IGSF21: variants seen among roughly 807,000 people sequenced by gnomAD.
The protein encoded by IGSF21 is immunoglobulin superfamily member 21.
Under a neutral mutation model 46.8 loss-of-function variants are expected in IGSF21, and 28 were observed. The observed-to-expected ratio is 0.60, with a 90% CI of 0.44 to 0.82. The LOEUF is 0.82. IGSF21 is among the 40% of genes least tolerant of loss of function. IGSF21 has a pLI of 0.00. For missense variants in IGSF21, 624 were observed against 665.5 expected, an observed-to-expected ratio of 0.94 and a Z score of 0.69; for synonymous variants, 284 against 273.6, an observed-to-expected ratio of 1.04 and a Z score of -0.38.
intron 2 of IGSF21, among the ~76,000 whole-genome samples, chr1:18,276,875 A>C (rs2085107527): frequency 2.0e-5 from 3 of 152,212 alleles, no homozygotes; most frequent in Admixed American, 2.0e-4. Flanking sequence ...TAACAGGTGC[A>C]TGGGACCAGT....
intron 4 of IGSF21, among the ~76,000 whole-genome samples, chr1:18,338,599 T>C (rs2124609568): frequency 6.6e-6 from 1 of 152,192 alleles, no homozygotes; most frequent in East Asian, 1.9e-4. Flanking sequence ...CAGTCTACCA[T>C]CCACACGTCC....
chr1:18,166,826 A>C (rs547858915), intron 1 of IGSF21: 1 of 152,748 alleles, frequency 6.5e-6, no homozygotes, highest in Non-Finnish European at 1.5e-5. Context: ...TAAGTGGAAG[A>C]GGATTTTCAC....
chr1:18,316,342 C>T (rs983292097), intron 3 of IGSF21, among the ~76,000 whole-genome samples: 1 of 152,204 alleles, frequency 6.6e-6, no homozygotes, highest in Non-Finnish European at 1.5e-5. Context: ...GAAGTCTCCC[C>T]TGCTGTTAAG....
chr1:18,200,834 G>A (rs939064059), intron 1 of IGSF21, among the ~76,000 whole-genome samples: 1 of 152,118 alleles, frequency 6.6e-6, no homozygotes, highest in South Asian at 2.1e-4. Context: ...TCACTGAGCT[G>A]ACCCTGCTTT....
intron 2 of IGSF21, among the ~76,000 whole-genome samples, chr1:18,249,347 G>T (rs555124552): frequency 6.6e-6 from 1 of 152,282 alleles, no homozygotes; most frequent in East Asian, 1.9e-4. Flanking sequence ...CGAGTTAGGG[G>T]ATCAGCAGTT....
chr1:18,359,377 A>AGAAAGAAG (rs2086064064), intron 4 of IGSF21, among the ~76,000 whole-genome samples: 1 of 107,366 alleles, frequency 9.3e-6, no homozygotes, highest in Non-Finnish European at 1.9e-5. Flanking sequence ...AAAGAAAGAA[A>AGAAAGAAG]GAAAGAAAGG....
chr1:18,167,541 G>T (rs2086691378), intron 1 of IGSF21, among the ~76,000 whole-genome samples: 1 of 152,058 alleles, frequency 6.6e-6, no homozygotes, highest in African/African-American at 2.4e-5. Flanking sequence ...CTGTGGAAAG[G>T]CTTAGTGCCC....
chr1:18,194,060 A>G (rs1269800914), intron 1 of IGSF21, among the ~76,000 whole-genome samples: 2 of 152,204 alleles, frequency 1.3e-5, no homozygotes, highest in Non-Finnish European at 2.9e-5. Context: ...CTAAGTCCCC[A>G]GAGAGTGAAA....
intron 2 of IGSF21, among the ~76,000 whole-genome samples, chr1:18,242,527 G>A (rs1350968340): frequency 6.6e-6 from 1 of 152,218 alleles, no homozygotes; most frequent in Non-Finnish European, 1.5e-5. Context: ...TTGTCAAGTA[G>A]TGGTTCTTGG....
At chr1:18,284,846 G>T (rs2085197269) in intron 2 of IGSF21, among the ~76,000 whole-genome samples, 3 of 151,900 alleles carry the variant, frequency 2.0e-5, no homozygotes, top group Admixed American at 2.0e-4. Flanking sequence ...AAGATCCCAG[G>T]TGCCATCCAC....
chr1:18,324,989 G>A (rs1206357592), intron 3 of IGSF21, among the ~76,000 whole-genome samples: 2 of 152,256 alleles, frequency 1.3e-5, no homozygotes, highest in Non-Finnish European at 2.9e-5. Flanking sequence ...CAGGGAGGAT[G>A]AGACAATTTG....
chr1:18,247,551 G>A (rs1423040475), intron 2 of IGSF21, among the ~76,000 whole-genome samples: 1 of 152,150 alleles, frequency 6.6e-6, no homozygotes, highest in African/African-American at 2.4e-5. Context: ...ATCCTCGGAG[G>A]TGGCAGGTCA....
intron 3 of IGSF21, among the ~76,000 whole-genome samples, chr1:18,327,703 C>G (rs987244939): frequency 6.6e-6 from 1 of 152,046 alleles, no homozygotes; most frequent in Non-Finnish European, 1.5e-5. Flanking sequence ...TTTATAGTGA[C>G]AGAAAGAGGA....
chr1:18,192,707 T>C (rs993631075), intron 1 of IGSF21, among the ~76,000 whole-genome samples: 2 of 152,056 alleles, frequency 1.3e-5, no homozygotes, highest in African/African-American at 4.8e-5. Context: ...ATCGTTCCCC[T>C]GCAATGAATT....
intron 2 of IGSF21, among the ~76,000 whole-genome samples, chr1:18,261,381 CAG>C (rs1280855579): frequency 6.6e-6 from 1 of 152,164 alleles, no homozygotes; most frequent in Non-Finnish European, 1.5e-5. Context: ...CTAGCTAAAA[CAG>C]GGACTGGATG....
At chr1:18,291,184 G>A (rs368986108) in intron 2 of IGSF21, among the ~76,000 whole-genome samples, 4 of 152,154 alleles carry the variant, frequency 2.6e-5, no homozygotes, top group Non-Finnish European at 4.4e-5. Flanking sequence ...GGGACAGCCC[G>A]GCAGCCTTGG....
At chr1:18,278,427 G>C (rs1158054032) in intron 2 of IGSF21, among the ~76,000 whole-genome samples, 1 of 151,870 alleles carries the variant, frequency 6.6e-6, no homozygotes, top group Non-Finnish European at 1.5e-5. Context: ...TTTTAGTAGA[G>C]ATGGGGTTTC....
chr1:18,153,735 G>A (rs955111511), intron 1 of IGSF21, among the ~76,000 whole-genome samples: 3 of 151,970 alleles, frequency 2.0e-5, no homozygotes, highest in Non-Finnish European at 4.4e-5. Flanking sequence ...TGGGGTGGGG[G>A]GCTGGGGACA....
At chr1:18,333,148 G>A (rs947756550) in intron 3 of IGSF21, among the ~76,000 whole-genome samples, 1 of 152,146 alleles carries the variant, frequency 6.6e-6, no homozygotes. Flanking sequence ...CTGCTCTTTT[G>A]TGTCCCCAGT....
Sources: gnomAD v4.1 joint callset for allele counts (sites outside exome capture counted in the v4.1 genomes callset) on GRCh38, gnomAD v4.1.1 for gene constraint, MANE v1.5 for transcripts, NCBI Gene and HGNC (gene_info 2026-07-23, HGNC 2026-07-21) for gene names.